The following KCNH5 variants were observed in gnomAD, a reference collection of about 807,000 sequenced individuals.
KCNH5 encodes potassium voltage-gated channel subfamily H member 5, also known as voltage-gated delayed rectifier potassium channel KCNH5.
KCNH5 carries 46 observed loss-of-function variants against 96.1 expected under a neutral mutation model. The ratio of observed to expected loss-of-function variants is 0.48; its 90% CI spans 0.38 to 0.61. The LOEUF is 0.61. Ranked by LOEUF, KCNH5 falls within the 20% of genes least tolerant of loss-of-function variation. KCNH5 has a pLI of 0.00. For missense variants in KCNH5, 907 were observed against 1,225.8 expected, an observed-to-expected ratio of 0.74 and a Z score of 3.88; for synonymous variants, 439 against 449.8, an observed-to-expected ratio of 0.98 and a Z score of 0.30.
At chr14:62,883,257 G>A (rs1257441970) in intron 7 of KCNH5, among the ~76,000 whole-genome samples, 1 of 152,144 alleles carries the variant, frequency 6.6e-6, no homozygotes, top group Non-Finnish European at 1.5e-5. Flanking sequence ...CCAAGTTCAG[G>A]AGAATTCAAT....
In KCNH5 at chr14:62,966,837, C is replaced by T. The variant is rs559480444; in HGVS notation, c.942+14035G>A. 2.0e-5 allele frequency among the ~76,000 whole-genome samples: 3 copies of T among 152,298 alleles called. No homozygotes were observed. In the South Asian group the frequency reaches 6.2e-4, roughly 32 times the overall value. ...CTTTACCCAGTTCTAATAAAGCCCA[C>T]TCCCCTAGCCACTCCCTGTTTTTAA... On this transcript the variant is annotated intron_variant, in intron 6 of 10. Coordinates refer to ENST00000322893, the MANE Select transcript of KCNH5 (RefSeq NM_139318.5).
At chr14:63,014,612 T>C (rs1891290070) in intron 2 of KCNH5, among the ~76,000 whole-genome samples, 1 of 152,046 alleles carries the variant, frequency 6.6e-6, no homozygotes, top group Non-Finnish European at 1.5e-5. Flanking sequence ...TAGATCCAGA[T>C]ATGAAGAGTA....
At chr14:62,812,061 A>G (rs978065791) in intron 8 of KCNH5, among the ~76,000 whole-genome samples, 2 of 152,196 alleles carry the variant, frequency 1.3e-5, no homozygotes, top group African/African-American at 4.8e-5. Flanking sequence ...TCCTCTCAAC[A>G]AATTACTAGC....
intron 8 of KCNH5, among the ~76,000 whole-genome samples, chr14:62,806,577 T>G (rs1231743747): frequency 6.6e-6 from 1 of 152,060 alleles, no homozygotes; most frequent in African/African-American, 2.4e-5. Flanking sequence ...ACCGCAGCAC[T>G]GACTGGATAA....
At chr14:62,805,870 C>A (rs900123026) in intron 8 of KCNH5, among the ~76,000 whole-genome samples, 3 of 152,070 alleles carry the variant, frequency 2.0e-5, no homozygotes, top group Non-Finnish European at 4.4e-5. Flanking sequence ...CTTGTAAGAG[C>A]TATGGTGTCA....
intron 10 of KCNH5, among the ~76,000 whole-genome samples, chr14:62,728,602 G>T (rs1884985416): frequency 6.6e-6 from 1 of 152,100 alleles, no homozygotes; most frequent in African/African-American, 2.4e-5. Context: ...TTTGGTAAGA[G>T]CATAAGCTCT....
rs192505900 is a variant in KCNH5, at chr14:62,949,443, T to C, written c.1369+690A>G. Among the ~76,000 whole-genome samples, 369 of 152,318 alleles carry C rather than the reference T, an allele frequency of 2.4e-3. 2 individuals carry two copies. Among genetic ancestry groups the C allele is most frequent in the African/African-American group, 7.6e-3 (318 of 41,570 alleles). ...TTCAAAAGCAGCTTCTTTGTATGTA[T>C]TTCCTTTATGTTCTGGTCTTCTGAT... On this transcript the variant is annotated intron_variant, in intron 7 of 10. Coordinates refer to ENST00000322893, the MANE Select transcript of KCNH5 (RefSeq NM_139318.5).
At chr14:62,816,075 T>C (rs983421529) in intron 8 of KCNH5, among the ~76,000 whole-genome samples, 3 of 151,952 alleles carry the variant, frequency 2.0e-5, no homozygotes, top group Admixed American at 6.6e-5. Flanking sequence ...TATGTGTGTA[T>C]ATTCATGTGT....
intron 8 of KCNH5, among the ~76,000 whole-genome samples, chr14:62,839,768 T>G (rs1887538313): frequency 6.6e-6 from 1 of 152,210 alleles, no homozygotes; most frequent in Non-Finnish European, 1.5e-5. Context: ...CCTCCTTACA[T>G]TTGTTTTCCA....
intron 10 of KCNH5, among the ~76,000 whole-genome samples, chr14:62,749,093 A>G (rs548970677): frequency 6.6e-6 from 1 of 152,280 alleles, no homozygotes; most frequent in African/African-American, 2.4e-5. Context: ...TTCTCCCTCA[A>G]GCTGCTGTTA....
At chr14:62,726,682 A>G (rs1412846351) in intron 10 of KCNH5, among the ~76,000 whole-genome samples, 3 of 152,188 alleles carry the variant, frequency 2.0e-5, no homozygotes, top group African/African-American at 7.2e-5. Context: ...ACCATTTGGA[A>G]AACTGCTTGA....
chr14:62,829,413 A>T (rs1376132217), intron 8 of KCNH5, among the ~76,000 whole-genome samples: 1 of 152,190 alleles, frequency 6.6e-6, no homozygotes, highest in Admixed American at 6.5e-5. Context: ...TTCTGCCTAG[A>T]CATCCAGGCA....
chr14:62,854,018 AC>A (rs372420365), intron 7 of KCNH5, among the ~76,000 whole-genome samples: 11,979 of 138,096 alleles, frequency 0.087, 893 homozygotes, highest in East Asian at 0.23. Flanking sequence ...AAAAAAAAAA[AC>A]AAAAAAAACA....
chr14:62,923,883 G>T (rs1198991107), intron 7 of KCNH5, among the ~76,000 whole-genome samples: 1 of 151,798 alleles, frequency 6.6e-6, no homozygotes, highest in African/African-American at 2.4e-5. Context: ...AAAACATGGA[G>T]GGAAATTTCC....
In KCNH5 at chr14:63,014,873, A is replaced by G. The variant is rs535893749; in HGVS notation, c.197+1958T>C. Among the ~76,000 whole-genome samples, 10 of 152,230 alleles carry G rather than the reference A, an allele frequency of 6.6e-5. 1 individual carries two copies. In the South Asian group the frequency reaches 1.7e-3, roughly 25 times the overall value. On this transcript the variant is annotated intron_variant, in intron 2 of 10. Transcript: ENST00000322893. The stretch of plus-strand genomic sequence containing the variant: ...AAGAATAAGAAATGCGAGTGTGAGT[A>G]TATCTGTGTTGCCTGGAACTCTCTA...
intron 10 of KCNH5, among the ~76,000 whole-genome samples, chr14:62,748,334 C>T (rs986876109): frequency 2.6e-5 from 4 of 152,134 alleles, no homozygotes; most frequent in African/African-American, 4.8e-5. Flanking sequence ...TTATTATCTT[C>T]AAAGCAAAAT....
At chr14:62,766,186 C>G (rs751085260) in intron 10 of KCNH5, among the ~76,000 whole-genome samples, 3 of 152,072 alleles carry the variant, frequency 2.0e-5, no homozygotes, top group Non-Finnish European at 4.4e-5. Flanking sequence ...CAAATGCTGA[C>G]AAGGATGTGG....
At chr14:62,999,280 T>C (rs1246510486) in intron 4 of KCNH5, among the ~76,000 whole-genome samples, 1 of 152,258 alleles carries the variant, frequency 6.6e-6, no homozygotes. Context: ...ATTTCTCTGA[T>C]GGCCAATGAT....
At position 62,701,319 on chromosome 14, in the gene KCNH5, A is replaced by C. The variant is rs1349784981; in HGVS notation, c.*6189T>G. On this transcript the variant is annotated 3_prime_UTR_variant, in exon 11 of 11. Coordinates refer to ENST00000322893, the MANE Select transcript of KCNH5 (RefSeq NM_139318.5). ...TGTGTCATCTTAAAAACAAATAAACAAAAGCTATTTAAAAGGCACCACATA... is the reference window on the plus strand; with the variant it reads ...TGTGTCATCTTAAAAACAAATAAACCAAAGCTATTTAAAAGGCACCACATA... 1 of 152,174 alleles carries C rather than the reference A, an allele frequency of 6.6e-6. No homozygotes were observed. The highest frequency in any genetic ancestry group is 2.4e-5 in the African/African-American group (1 of 41,452). The allele number at this position is 152,174 out of a possible 1,614,324, so 9.4% of individuals were successfully genotyped here.
Sources: gnomAD v4.1 joint callset for allele counts (sites outside exome capture counted in the v4.1 genomes callset) on GRCh38, gnomAD v4.1.1 for gene constraint, MANE v1.5 for transcripts, NCBI Gene and HGNC (gene_info 2026-07-23, HGNC 2026-07-21) for gene names.